DST: variants seen among roughly 807,000 people sequenced by gnomAD.
DST encodes dystonin, also known as bullous pemphigoid antigen.
A neutral mutation model predicts 875.2 loss-of-function variants in DST; 253 were observed. The observed-to-expected ratio is 0.29, with a 90% CI of 0.26 to 0.32. DST has a LOEUF of 0.32. DST is among the 10% of genes least tolerant of loss of function. The probability of loss-of-function intolerance (pLI) is 1.00; values close to 1 mark genes in which losing one functional copy is unlikely to be tolerated. For synonymous variants in DST, 3,124 were observed against 3,197.1 expected, an observed-to-expected ratio of 0.98 and a Z score of 0.77; for missense variants, 8,287 against 9,111.6, an observed-to-expected ratio of 0.91 and a Z score of 3.68.
chr6:56,537,213 T>C (rs986885570), intron 61 of DST, among the ~76,000 whole-genome samples: 1 of 152,344 alleles, frequency 6.6e-6, no homozygotes, highest in African/African-American at 2.4e-5. Context: ...AGACAGTACA[T>C]GTCTCCTCTC....
Position 56,814,175 on chromosome 6 carries a change from G to T in DST, c.625+37222C>A, listed in dbSNP as rs557366397. 2.0e-5 allele frequency among the ~76,000 whole-genome samples: 3 copies of T among 152,098 alleles called. No homozygotes were observed. The South Asian group carries it at 6.2e-4, about 32-fold the overall frequency. The stretch of plus-strand genomic sequence containing the variant: ...TTATTATATAAACAAATATAGGTTC[G>T]CATAATGAAGGCATATTTCTAAATT... On this transcript the variant is annotated intron_variant, in intron 4 of 103. Transcript: ENST00000680361.
intron 2 of DST, among the ~76,000 whole-genome samples, chr6:56,939,482 T>C (rs531061225): frequency 5.3e-5 from 8 of 152,092 alleles, no homozygotes; most frequent in Admixed American, 1.3e-4. Flanking sequence ...GTTGGATGAA[T>C]GGATGGATAC....
intron 49 of DST, among the ~76,000 whole-genome samples, chr6:56,587,226 G>A (rs2098172285): frequency 6.6e-6 from 1 of 152,060 alleles, no homozygotes. Context: ...AGGAGCTGAT[G>A]GAGCTGAAAG....
chr6:56,853,718 C>T (rs1446347641), intron 3 of DST, among the ~76,000 whole-genome samples: 4 of 151,936 alleles, frequency 2.6e-5, no homozygotes, highest in South Asian at 2.1e-4. Context: ...GATTGAACAA[C>T]GAAATGTGAT....
chr6:56,771,741 T>A (rs895347460), intron 4 of DST, among the ~76,000 whole-genome samples: 3 of 152,128 alleles, frequency 2.0e-5, no homozygotes, highest in Non-Finnish European at 4.4e-5. Context: ...TCATTAACAG[T>A]TTTTGGCTCA....
intron 50 of DST, among the ~76,000 whole-genome samples, 175 bp from the exon 51 acceptor site, chr6:56,574,062 G>A (rs1443549286): frequency 6.6e-6 from 1 of 151,982 alleles, no homozygotes; most frequent in Non-Finnish European, 1.5e-5. Flanking sequence ...AAAATATAAA[G>A]AAAGAAAAGA....
chr6:56,690,264 T>C (rs2099219081), intron 9 of DST, among the ~76,000 whole-genome samples: 1 of 152,232 alleles, frequency 6.6e-6, no homozygotes, highest in African/African-American at 2.4e-5. Context: ...TTCATAGAGT[T>C]GTTTGGATGA....
intron 5 of DST, among the ~76,000 whole-genome samples, chr6:56,721,226 G>A (rs567695832): frequency 3.3e-5 from 5 of 150,552 alleles, no homozygotes; most frequent in Non-Finnish European, 5.9e-5. Context: ...GCTGCCAGGC[G>A]GGGGCACTAT....
chr6:56,495,885 C>A (rs1326987771), intron 82 of DST, among the ~76,000 whole-genome samples: 1 of 152,022 alleles, frequency 6.6e-6, no homozygotes, highest in East Asian at 1.9e-4. Context: ...TGTTTTATTT[C>A]TTTACAACAT....
At chr6:56,784,354 A>T (rs2099700614) in intron 4 of DST, among the ~76,000 whole-genome samples, 1 of 152,200 alleles carries the variant, frequency 6.6e-6, no homozygotes, top group Admixed American at 6.5e-5. Context: ...CGTCACTTTC[A>T]GGTACACTGA....
Position 56,603,606 on chromosome 6 carries a change from A to T in DST, c.10899T>A (p.Asp3633Glu). 1 of 1,610,518 alleles carries T rather than the reference A, an allele frequency of 6.2e-7. No individual in the cohort carries two copies. Among genetic ancestry groups the T allele is most frequent in the Non-Finnish European group, 8.5e-7 (1 of 1,178,798 alleles). Residue 3633 changes from aspartate to glutamate, a missense_variant, in exon 41 of 104, where the codon GAT becomes GAA. By Grantham distance (45) the Asp-to-Glu change is conservative. This residue lies in a region of DST where 3,138 missense variants were observed against 3,116.6 expected (regional missense o/e 1.01). Transcript: ENST00000680361. Reference protein sequence around the residue: ...KPPLDNQESLDNNLEALKNQL... With the variant: ...KPPLDNQESLENNLEALKNQL... ...GATTCTTCAAAGCTTCCAAGTTGTTATCCAGAGATTCCTGGTTGTCTAAGG... is the reference window on the plus strand; with the variant it reads ...GATTCTTCAAAGCTTCCAAGTTGTTTTCCAGAGATTCCTGGTTGTCTAAGG...
At chr6:56,889,795 G>C (rs1786434916) in intron 3 of DST, among the ~76,000 whole-genome samples, 1 of 152,118 alleles carries the variant, frequency 6.6e-6, no homozygotes, top group South Asian at 2.1e-4. Flanking sequence ...CATGTGAGCA[G>C]GCAGTAGGGC....
intron 3 of DST, among the ~76,000 whole-genome samples, chr6:56,867,788 G>A (rs997562027): frequency 5.1e-4 from 78 of 151,870 alleles, no homozygotes; most frequent in African/African-American, 1.7e-3. Flanking sequence ...AGCCGAGACC[G>A]CGCCACTGCA....
rs564559694 is a variant in DST at position 56,458,187 on chromosome 6, T to TA, written c.*817dup. ...GGTCACTCCAAATTGATATTGCTCA[T>TA]AAAAAAATACACTAGTTTTCCCTGG... On this transcript the variant is annotated 3_prime_UTR_variant, in exon 104 of 104. Coordinates refer to ENST00000680361, the MANE Select transcript of DST (RefSeq NM_001374736.1). 6.6e-6 allele frequency: 1 copy of TA among 152,532 alleles called. No homozygotes were observed. Among genetic ancestry groups the TA allele is most frequent in the Admixed American group, 6.6e-5 (1 of 15,266 alleles). 9.4% of individuals were successfully genotyped at this position (152,532 alleles called of 1,614,324 possible). A position where few individuals can be genotyped will look rare whatever the true frequency, so the allele number is the denominator to read the frequency against.
rs199658591 is a variant in DST, at chr6:56,607,387, T to C, written c.7241A>G (p.Asn2414Ser). The C allele has an allele frequency of 1.4e-3, 2,191 of 1,612,878 alleles. 3 individuals are homozygous for C. Among genetic ancestry groups the C allele is most frequent in the Non-Finnish European group, 1.6e-3 (1,922 of 1,179,570 alleles). The change falls in exon 40 of 104, where the codon AAT becomes AGT. Residue 2414 changes from asparagine to serine, a missense_variant. By Grantham distance (46) the Asn-to-Ser change is conservative. Around this residue, in one of 10 missense-constraint regions of DST, gnomAD observed 3,138 missense variants for 3,116.6 expected, o/e 1.01. Coordinates refer to ENST00000680361, the MANE Select transcript of DST (RefSeq NM_001374736.1). ...KSKMSKFCGV[N>S]ETENEDNTNR... ...TGTATTATCTTCATTCTCTGTTTCA[T>C]TCACACCACAGAATTTACTCATTTT...
At chr6:56,825,065 A>G (rs1233757822) in intron 4 of DST, among the ~76,000 whole-genome samples, 3 of 152,172 alleles carry the variant, frequency 2.0e-5, no homozygotes, top group Admixed American at 6.5e-5. Context: ...AAGGGCGGAA[A>G]GGTGGGGAAA....
intron 14 of DST, 39 bp from the exon 15 acceptor site, chr6:56,646,032 A>G: frequency 6.3e-7 from 1 of 1,592,734 alleles, no homozygotes; most frequent in Non-Finnish European, 8.5e-7. Context: ...AGCAAAAATG[A>G]AAACAAAACA....
At position 56,883,251 on chromosome 6, in the gene DST, T is replaced by C. The variant is rs139026046; in HGVS notation, c.417+17170A>G. On this transcript the variant is annotated intron_variant, in intron 3 of 103. Coordinates refer to ENST00000680361, the MANE Select transcript of DST (RefSeq NM_001374736.1). Reference sequence around the variant, plus strand: ...TCAGCAAAGAACAAAAACAGTAGTCTTGCGGGAAAAAAATCTGCTCTAGAT... The same window carrying C: ...TCAGCAAAGAACAAAAACAGTAGTCCTGCGGGAAAAAAATCTGCTCTAGAT... 9.5e-3 allele frequency among the ~76,000 whole-genome samples: 1,453 copies of C among 152,266 alleles called. 26 individuals carry two copies. The highest frequency in any genetic ancestry group is 0.033 in the African/African-American group (1,384 of 41,556).
intron 9 of DST, among the ~76,000 whole-genome samples, chr6:56,676,158 C>G (rs956067928): frequency 2.2e-4 from 34 of 152,272 alleles, no homozygotes; most frequent in African/African-American, 7.7e-4. Context: ...TCTCCACCTC[C>G]TGGGTTCAAG....
Sources: allele counts gnomAD v4.1 joint callset (sites outside exome capture counted in the v4.1 genomes callset), GRCh38; gene constraint gnomAD v4.1.1; regional missense constraint gnomAD v4.1.1; transcripts MANE v1.5; gene names NCBI Gene and HGNC (gene_info 2026-07-23, HGNC 2026-07-21).